The following DYM variants were observed in gnomAD, a reference collection of about 807,000 sequenced individuals.
DYM encodes dyggve-Melchior-Clausen syndrome protein.
Under a neutral mutation model 93.1 loss-of-function variants are expected in DYM, and 78 were observed. The ratio of observed to expected loss-of-function variants is 0.84; its 90% CI spans 0.70 to 1.01. The LOEUF is 1.01. DYM is among the 50% of genes least tolerant of loss of function. The pLI, the probability that DYM is intolerant of heterozygous loss-of-function variation, is 0.00. For missense variants in DYM, 789 were observed against 845.0 expected, an observed-to-expected ratio of 0.93 and a Z score of 0.82; for synonymous variants, 321 against 319.7, an observed-to-expected ratio of 1.00 and a Z score of -0.04.
intron 6 of DYM, among the ~76,000 whole-genome samples, chr18:49,355,062 T>A (rs1460632446): frequency 6.6e-6 from 1 of 151,334 alleles, no homozygotes; most frequent in African/African-American, 2.4e-5. Context: ...ATACATTTCA[T>A]CATGCATTTG....
intron 8 of DYM, among the ~76,000 whole-genome samples, chr18:49,323,538 G>A (rs1354643116): frequency 2.6e-5 from 4 of 152,138 alleles, no homozygotes; most frequent in African/African-American, 9.7e-5. Context: ...TGAGAGTGGA[G>A]CCCCCATGAT....
intron 13 of DYM, among the ~76,000 whole-genome samples, chr18:49,252,237 AAAAAAG>A (rs2094306127): frequency 6.8e-6 from 1 of 147,840 alleles, no homozygotes; most frequent in Non-Finnish European, 1.5e-5. Context: ...AAAAAAAAAA[AAAAAAG>A]AACTGCCTGA....
chr18:49,165,004 A>T (rs1379560453), intron 14 of DYM, among the ~76,000 whole-genome samples: 2 of 152,198 alleles, frequency 1.3e-5, no homozygotes, highest in Non-Finnish European at 2.9e-5. Context: ...AAAAAGCGAG[A>T]CCCAACCATG....
At chr18:49,121,125 G>T (rs2082339384) in intron 15 of DYM, among the ~76,000 whole-genome samples, 1 of 152,172 alleles carries the variant, frequency 6.6e-6, no homozygotes, top group African/African-American at 2.4e-5. Flanking sequence ...ATCAAAGAGG[G>T]AATATAAAAG....
Position 49,366,849 on chromosome 18 carries a change from G to T in DYM, c.422-3616C>A, listed in dbSNP as rs947183525. On this transcript the variant is annotated intron_variant, in intron 5 of 17. Coordinates refer to ENST00000675505, the MANE Select transcript of DYM (RefSeq NM_001353214.3). ...CAGTAACTCTTGATGAATAGTTAATGATTATGATCATCATTTTACAGATGA... is the reference window on the plus strand; with the variant it reads ...CAGTAACTCTTGATGAATAGTTAATTATTATGATCATCATTTTACAGATGA... Among the ~76,000 whole-genome samples the T allele has an allele frequency of 7.9e-5, 12 of 152,232 alleles. 1 individual carries two copies. In the South Asian group the frequency reaches 2.5e-3, roughly 32 times the overall value.
chr18:49,161,624 G>A (rs780959749), intron 15 of DYM, among the ~76,000 whole-genome samples: 4 of 152,094 alleles, frequency 2.6e-5, no homozygotes, highest in Non-Finnish European at 5.9e-5. Context: ...AGAATTAAGC[G>A]AGCTGTTATG....
chr18:49,301,705 C>A (rs191892158), intron 8 of DYM, among the ~76,000 whole-genome samples: 16 of 152,126 alleles, frequency 1.1e-4, no homozygotes, highest in Admixed American at 2.6e-4. Flanking sequence ...TACACTAACA[C>A]TAGTAGTCTC....
intron 17 of DYM, among the ~76,000 whole-genome samples, chr18:49,084,730 ATGT>A (rs961695549): frequency 2.4e-4 from 37 of 152,348 alleles, no homozygotes; most frequent in African/African-American, 8.7e-4. Context: ...ACAGGAACAA[ATGT>A]TGTCTAACAA....
chr18:49,231,977 A>T (rs935999690), intron 13 of DYM, among the ~76,000 whole-genome samples: 3 of 152,208 alleles, frequency 2.0e-5, no homozygotes, highest in African/African-American at 7.2e-5. Context: ...ATAGATAAAA[A>T]ATTTTAAAAC....
chr18:49,316,362 G>A (rs1251342986), intron 8 of DYM, among the ~76,000 whole-genome samples: 1 of 152,144 alleles, frequency 6.6e-6, no homozygotes, highest in Non-Finnish European at 1.5e-5. Context: ...GAAAGGGAAT[G>A]TAAGTTTTCA....
chr18:49,256,869 A>C, intron 13 of DYM, 141 bp downstream of exon 13: 1 of 699,168 alleles, frequency 1.4e-6, no homozygotes, highest in Non-Finnish European at 2.5e-6. Context: ...AGCTATTTTC[A>C]ACCAAACAAG....
intron 15 of DYM, among the ~76,000 whole-genome samples, chr18:49,160,707 T>C (rs2087003483): frequency 6.6e-6 from 1 of 152,174 alleles, no homozygotes; most frequent in Non-Finnish European, 1.5e-5. Context: ...ATGTGGTTAC[T>C]GGCAAAGGTA....
At chr18:49,198,019 G>T (rs2145828965) in intron 14 of DYM, among the ~76,000 whole-genome samples, 1 of 152,262 alleles carries the variant, frequency 6.6e-6, no homozygotes, top group South Asian at 2.1e-4. Flanking sequence ...CATGGTACTG[G>T]TACCAAAACA....
Position 49,258,442 on chromosome 18 carries a change from A to G in DYM, c.1303T>C (p.Leu435=), listed in dbSNP as rs202055017. 3 of 1,613,672 alleles carry G rather than the reference A, an allele frequency of 1.9e-6. No individual in the cohort carries two copies. The highest frequency in any genetic ancestry group is 2.7e-5 in the African/African-American group (2 of 75,040). ...YSERVLTEIS[L]GSLLILVVIR... is the part of the protein sequence containing the mutation. Reference sequence around the variant, plus strand: ...ACCACCAGGATCAGGAGACTCCCCAAGGAGATTTCAGTTAAAACTCGTTCT... The same window carrying G: ...ACCACCAGGATCAGGAGACTCCCCAGGGAGATTTCAGTTAAAACTCGTTCT... Residue 435 remains leucine (L), a synonymous_variant, in exon 12 of 18, where the codon TTG becomes CTG. Coordinates refer to ENST00000675505, the MANE Select transcript of DYM (RefSeq NM_001353214.3).
chr18:49,158,260 A>G lies in DYM; in HGVS notation c.1728+5425T>C, dbSNP rs116843086. ...TAAAATTGGTTATATGTTGAATTGT[A>G]TTTTAGTTGTGTATCTGTTTTAACT... On this transcript the variant is annotated intron_variant, in intron 15 of 17. Transcript: ENST00000675505. 5.5e-3 allele frequency among the ~76,000 whole-genome samples: 844 copies of G among 152,266 alleles called. 5 individuals are homozygous for G. The highest frequency in any genetic ancestry group is 9.1e-3 in the Non-Finnish European group (617 of 68,012).
intron 5 of DYM, among the ~76,000 whole-genome samples, chr18:49,368,921 G>C (rs1001902895): frequency 6.6e-6 from 1 of 151,978 alleles, no homozygotes; most frequent in African/African-American, 2.4e-5. Flanking sequence ...TTTTTGTTTC[G>C]TTTTGATCTC....
At chr18:49,194,641 T>C (rs2091276307) in intron 14 of DYM, among the ~76,000 whole-genome samples, 1 of 152,176 alleles carries the variant, frequency 6.6e-6, no homozygotes, top group African/African-American at 2.4e-5. Flanking sequence ...CATTTTAGTG[T>C]AGATCACTGT....
intron 15 of DYM, among the ~76,000 whole-genome samples, chr18:49,143,093 T>C (rs1321782655): frequency 6.6e-6 from 1 of 152,216 alleles, no homozygotes; most frequent in East Asian, 1.9e-4. Context: ...AAACCTACTA[T>C]GATCATGGCA....
chr18:49,363,772 G>A (rs1444652745), intron 5 of DYM, among the ~76,000 whole-genome samples: 1 of 152,146 alleles, frequency 6.6e-6, no homozygotes, highest in Non-Finnish European at 1.5e-5. Flanking sequence ...CAGACAATGA[G>A]TCAAAGGTAA....
Sources: gnomAD v4.1 joint callset for allele counts (sites outside exome capture counted in the v4.1 genomes callset) on GRCh38, gnomAD v4.1.1 for gene constraint, MANE v1.5 for transcripts, NCBI Gene and HGNC (gene_info 2026-07-23, HGNC 2026-07-21) for gene names.